Variants in MIPEP observed in about 807,000 individuals in gnomAD.
The protein encoded by MIPEP is mitochondrial intermediate peptidase.
In MIPEP, 79 loss-of-function variants were observed where a neutral mutation model predicts 90.3. The observed-to-expected ratio is 0.87, with a 90% CI of 0.73 to 1.05. The LOEUF (loss-of-function observed/expected upper bound fraction) is 1.05, where lower values mean the gene tolerates loss of function less well. Among genes scored for constraint, MIPEP ranks in the 50% least tolerant of loss-of-function variants. The pLI is 0.00. For synonymous variants in MIPEP, 334 were observed against 315.8 expected, an observed-to-expected ratio of 1.06 and a Z score of -0.61; for missense variants, 940 against 905.6, an observed-to-expected ratio of 1.04 and a Z score of -0.49.
intron 14 of MIPEP, among the ~76,000 whole-genome samples, chr13:23,832,234 C>T (rs565783782): frequency 2.6e-5 from 4 of 152,276 alleles, no homozygotes; most frequent in African/African-American, 9.6e-5. Context: ...CATGTGAGCA[C>T]ACTCAGTCCC....
chr13:23,799,903 AAGAC>A (rs1219316278), intron 16 of MIPEP, among the ~76,000 whole-genome samples: 1 of 152,238 alleles, frequency 6.6e-6, no homozygotes, highest in African/African-American at 2.4e-5. Context: ...GTTGTGAAGA[AAGAC>A]AATTTTCTTA....
intron 14 of MIPEP, among the ~76,000 whole-genome samples, chr13:23,828,534 G>A (rs1796700226): frequency 1.3e-5 from 2 of 152,136 alleles, no homozygotes; most frequent in Admixed American, 6.5e-5. Flanking sequence ...TTAAACACCA[G>A]TAACAAACAA....
At chr13:23,877,133 C>T (rs538175642) in intron 4 of MIPEP, among the ~76,000 whole-genome samples, 24 of 152,056 alleles carry the variant, frequency 1.6e-4, no homozygotes, top group African/African-American at 5.1e-4. Context: ...CTTTTCCTTA[C>T]GAGAGTTTTC....
chr13:23,860,962 T>A (rs1438113212), intron 9 of MIPEP, among the ~76,000 whole-genome samples: 2 of 152,100 alleles, frequency 1.3e-5, no homozygotes, highest in African/African-American at 4.8e-5. Flanking sequence ...GTGCAGTGCC[T>A]GGGGTGCTTG....
chr13:23,759,604 G>T (rs970203863), intron 17 of MIPEP, among the ~76,000 whole-genome samples: 5 of 152,104 alleles, frequency 3.3e-5, no homozygotes, highest in Non-Finnish European at 7.4e-5. Flanking sequence ...CCCAATGGAA[G>T]TTTAACCACT....
intron 18 of MIPEP, among the ~76,000 whole-genome samples, chr13:23,753,811 G>T (rs1442199433): frequency 6.6e-6 from 1 of 152,138 alleles, no homozygotes; most frequent in Admixed American, 6.5e-5. Context: ...CTAAAAGTTT[G>T]CCTATGTAGA....
chr13:23,815,151 T>G (rs182756108), intron 14 of MIPEP, among the ~76,000 whole-genome samples: 2 of 152,208 alleles, frequency 1.3e-5, no homozygotes, highest in Non-Finnish European at 2.9e-5. Flanking sequence ...TCACTGACTT[T>G]GACGAACTTT....
rs1565974749 is a variant in MIPEP, at chr13:23,730,322, G to GATTT, written c.*22_*25dup. 6.9e-7 allele frequency: 1 copy of GATTT among 1,450,546 alleles called. No homozygotes were observed. The highest frequency in any genetic ancestry group is 1.7e-5 in the Admixed American group (1 of 59,164). 89.9% of individuals were successfully genotyped at this position (1,450,546 alleles called of 1,614,324 possible). On this transcript the variant is annotated 3_prime_UTR_variant, in exon 19 of 19. Transcript: ENST00000382172. ...ACAAAGTCATTATCTACATGACCTT[G>GATTT]ATTTAAGAGGTGTAGAGTGTTTCTT...
At chr13:23,806,964 G>C (rs540653214) in intron 15 of MIPEP, among the ~76,000 whole-genome samples, 1 of 152,100 alleles carries the variant, frequency 6.6e-6, no homozygotes, top group Non-Finnish European at 1.5e-5. Context: ...GCAGCATCTC[G>C]TGAGTATAGA....
chr13:23,850,026 G>A (rs531481480), intron 10 of MIPEP, among the ~76,000 whole-genome samples: 4 of 152,328 alleles, frequency 2.6e-5, no homozygotes, highest in Non-Finnish European at 5.9e-5. Context: ...GTGAGTGAGA[G>A]CAAATGTGAC....
intron 14 of MIPEP, among the ~76,000 whole-genome samples, chr13:23,812,686 C>A (rs1432912955): frequency 6.6e-6 from 1 of 151,936 alleles, no homozygotes; most frequent in African/African-American, 2.4e-5. Context: ...AAAGAAAATA[C>A]GTATTTAGAA....
At chr13:23,751,467 G>A (rs1191577649) in intron 18 of MIPEP, among the ~76,000 whole-genome samples, 3 of 152,144 alleles carry the variant, frequency 2.0e-5, no homozygotes. Flanking sequence ...CTTTCCATCT[G>A]ATCTGATGTT....
At chr13:23,795,465 G>A (rs1314817456) in intron 16 of MIPEP, among the ~76,000 whole-genome samples, 4 of 152,026 alleles carry the variant, frequency 2.6e-5, no homozygotes, top group Non-Finnish European at 4.4e-5. Flanking sequence ...ATATGATCAC[G>A]GTTACTTACC....
chr13:23,872,777 C>T (rs1307681148), intron 5 of MIPEP, among the ~76,000 whole-genome samples: 6 of 152,100 alleles, frequency 3.9e-5, no homozygotes, highest in Non-Finnish European at 4.4e-5. Flanking sequence ...TGAAACTGAA[C>T]ATATACTATT....
At chr13:23,811,411 A>G (rs887832518) in intron 14 of MIPEP, among the ~76,000 whole-genome samples, 1 of 152,182 alleles carries the variant, frequency 6.6e-6, no homozygotes, top group African/African-American at 2.4e-5. Context: ...CAAGATAACT[A>G]TAAGAAAAAT....
intron 16 of MIPEP, among the ~76,000 whole-genome samples, chr13:23,782,678 GA>G (rs1952793479): frequency 6.6e-6 from 1 of 152,052 alleles, no homozygotes; most frequent in African/African-American, 2.4e-5. Flanking sequence ...CTGGTTTTTT[GA>G]AAAGATCAAC....
intron 15 of MIPEP, among the ~76,000 whole-genome samples, chr13:23,806,806 G>A (rs1489780382): frequency 6.6e-6 from 1 of 151,714 alleles, no homozygotes; most frequent in East Asian, 1.9e-4. Flanking sequence ...CTTTAGACCC[G>A]CTGGATCTAA....
intron 1 of MIPEP, chr13:23,888,698 C>T: frequency 2.0e-6 from 2 of 997,600 alleles, no homozygotes; most frequent in Non-Finnish European, 2.4e-6. Flanking sequence ...CTGCAGGCAG[C>T]CGTGTCCTTG....
intron 18 of MIPEP, among the ~76,000 whole-genome samples, chr13:23,738,321 T>G (rs548397075): frequency 6.6e-6 from 1 of 152,186 alleles, no homozygotes; most frequent in African/African-American, 2.4e-5. Context: ...TCTTGGTGAT[T>G]TTTTTTAGCT....
Sources: allele counts gnomAD v4.1 joint callset (sites outside exome capture counted in the v4.1 genomes callset), GRCh38; gene constraint gnomAD v4.1.1; transcripts MANE v1.5; gene names NCBI Gene and HGNC (gene_info 2026-07-23, HGNC 2026-07-21).